CRB1: variants seen among roughly 807,000 people sequenced by gnomAD.
CRB1 encodes the protein protein crumbs homolog 1.
Under a neutral mutation model 120.0 loss-of-function variants are expected in CRB1, and 83 were observed. The ratio of observed to expected loss-of-function variants is 0.69; its 90% CI spans 0.58 to 0.83. CRB1 has a LOEUF of 0.83. CRB1 is among the 40% of genes least tolerant of loss of function. The pLI, the probability that CRB1 is intolerant of heterozygous loss-of-function variation, is 0.00. For synonymous variants in CRB1, 625 were observed against 612.5 expected (o/e 1.02, Z -0.30); for missense variants, 1,699 against 1,687.6 (o/e 1.01, Z -0.12).
At chr1:197,337,366 T>C (rs2125317687) in intron 2 of CRB1, among the ~76,000 whole-genome samples, 1 of 152,174 alleles carries the variant, frequency 6.6e-6, no homozygotes. Context: ...ACGGATGTGG[T>C]GGAAAGACAA....
intron 2 of CRB1, among the ~76,000 whole-genome samples, chr1:197,340,112 T>G (rs1659365659): frequency 6.6e-6 from 1 of 152,178 alleles, no homozygotes; most frequent in African/African-American, 2.4e-5. Context: ...GAGGACAATA[T>G]ATATAGACAT....
chr1:197,399,064 C>T (rs568200604), intron 5 of CRB1, among the ~76,000 whole-genome samples: 1 of 152,184 alleles, frequency 6.6e-6, no homozygotes, highest in African/African-American at 2.4e-5. Flanking sequence ...GCAATGCTCA[C>T]CTTCTTCATC....
chr1:197,284,584 A>G (rs1655716508), intron 1 of CRB1, among the ~76,000 whole-genome samples: 1 of 151,874 alleles, frequency 6.6e-6, no homozygotes, highest in Non-Finnish European at 1.5e-5. Context: ...ATCTTGCATC[A>G]ATATAGGTAA....
chr1:197,263,820 G>A (rs111673610), upstream of CRB1, among the ~76,000 whole-genome samples: 172 of 151,722 alleles, frequency 1.1e-3, 1 homozygote, highest in African/African-American at 3.9e-3. Flanking sequence ...TTAGTATATT[G>A]TAGTGTCATC....
intron 1 of CRB1, among the ~76,000 whole-genome samples, chr1:197,304,958 C>T (rs560994917): frequency 6.6e-6 from 1 of 152,320 alleles, no homozygotes; most frequent in Non-Finnish European, 1.5e-5. Context: ...ACAATTCCAG[C>T]TTCAGCCTGA....
At chr1:197,457,428 G>T (rs979285960) in intron 11 of CRB1, among the ~76,000 whole-genome samples, 59 of 152,218 alleles carry the variant, frequency 3.9e-4, no homozygotes, top group African/African-American at 1.2e-3. Context: ...TTGGAGCCAC[G>T]CTTTCAGATC....
chr1:197,416,898 C>T (rs1223889753), intron 5 of CRB1, among the ~76,000 whole-genome samples: 1 of 152,040 alleles, frequency 6.6e-6, no homozygotes, highest in Non-Finnish European at 1.5e-5. Flanking sequence ...TTAGTAGAGA[C>T]AGGGTTTCAC....
At chr1:197,369,552 TC>T (rs1246571098) in intron 5 of CRB1, among the ~76,000 whole-genome samples, 1 of 152,152 alleles carries the variant, frequency 6.6e-6, no homozygotes, top group Non-Finnish European at 1.5e-5. Flanking sequence ...ACCCCCTTAG[TC>T]ATTACTTAGG....
At chr1:197,227,365 A>T in the CRB1 span, among the ~76,000 whole-genome samples, 1 of 151,902 alleles carries the variant, frequency 6.6e-6, no homozygotes, top group Non-Finnish European at 1.5e-5. Flanking sequence ...GAAATCCAGA[A>T]GGGTAGTCAA....
chr1:197,475,756 C>G (rs1190674867), intron 11 of CRB1, among the ~76,000 whole-genome samples: 2 of 152,130 alleles, frequency 1.3e-5, no homozygotes, highest in Non-Finnish European at 2.9e-5. Context: ...TTCAAACATA[C>G]ACATTCATGG....
chr1:197,325,615 A>T (rs140860605), intron 1 of CRB1, among the ~76,000 whole-genome samples: 2 of 152,144 alleles, frequency 1.3e-5, no homozygotes, highest in African/African-American at 4.8e-5. Flanking sequence ...CCAACCATAT[A>T]TATTGAAAAT....
intron 11 of CRB1, among the ~76,000 whole-genome samples, chr1:197,452,521 G>T (rs1041511827): frequency 1.3e-5 from 2 of 151,880 alleles, no homozygotes; most frequent in African/African-American, 4.8e-5. Context: ...GAGATGAAGG[G>T]ACCTTACATA....
the CRB1 span, among the ~76,000 whole-genome samples, chr1:197,231,456 G>C: frequency 6.6e-6 from 1 of 152,148 alleles, no homozygotes; most frequent in Admixed American, 6.5e-5. Context: ...TGGAATCAAA[G>C]AGGGATGTAT....
intron 5 of CRB1, among the ~76,000 whole-genome samples, chr1:197,388,681 C>T (rs188022141): frequency 8.5e-5 from 13 of 152,200 alleles, no homozygotes; most frequent in Admixed American, 7.2e-4. Context: ...AGAAATCAAT[C>T]ACACATTTAA....
intron 4 of CRB1, among the ~76,000 whole-genome samples, chr1:197,351,259 C>T (rs1184101258): frequency 6.9e-6 from 1 of 145,106 alleles, no homozygotes; most frequent in Non-Finnish European, 1.5e-5. Context: ...ACTCAGGAGG[C>T]TGAGGCAGGA....
the CRB1 span, among the ~76,000 whole-genome samples, chr1:197,252,582 A>ATATATATATATATATGTGTGTGTGTG: frequency 6.4e-5 from 1 of 15,506 alleles, no homozygotes; most frequent in African/African-American, 1.6e-4. Flanking sequence ...ATATATATAT[A>ATATATATATATATATGTGTGTGTGTG]TGTGTGTGTG....
At chr1:197,311,744 TG>T (rs1228719675) in intron 1 of CRB1, among the ~76,000 whole-genome samples, 3 of 139,668 alleles carry the variant, frequency 2.1e-5, no homozygotes, top group East Asian at 4.1e-4. Context: ...TGTGTGTGTG[TG>T]TTGAGAAGAT....
intron 1 of CRB1, among the ~76,000 whole-genome samples, chr1:197,300,030 C>T (rs536558551): frequency 4.0e-5 from 6 of 151,794 alleles, no homozygotes; most frequent in African/African-American, 1.2e-4. Context: ...ACAAACCATG[C>T]CCATATGGCA....
intron 1 of CRB1, among the ~76,000 whole-genome samples, chr1:197,290,265 CGTGTGT>C (rs10540136): frequency 5.3e-4 from 72 of 136,974 alleles, no homozygotes; most frequent in East Asian, 1.6e-3. Flanking sequence ...TGTTCCCTTT[CGTGTGT>C]GTGTGTGTGT....
Sources: allele counts gnomAD v4.1 joint callset (sites outside exome capture counted in the v4.1 genomes callset), GRCh38; gene constraint gnomAD v4.1.1; transcripts MANE v1.5; gene names NCBI Gene and HGNC (gene_info 2026-07-23, HGNC 2026-07-21).